Variants in PRKAR1A observed in about 807,000 individuals in gnomAD.
PRKAR1A encodes cAMP-dependent protein kinase type I-alpha regulatory subunit.
Under a neutral mutation model 52.0 loss-of-function variants are expected in PRKAR1A, and 3 were observed. That is an observed-to-expected ratio of 0.06 (90% CI 0.03 to 0.15). PRKAR1A has a LOEUF of 0.15. Ranked by LOEUF, PRKAR1A falls within the 10% of genes least tolerant of loss-of-function variation. The pLI is 1.00. For synonymous variants in PRKAR1A, 188 were observed against 168.4 expected (o/e 1.12, Z -0.90); for missense variants, 240 against 477.4 (o/e 0.50, Z 4.63).
intron 11 of PRKAR1A, among the ~76,000 whole-genome samples, chr17:68,547,014 T>C (rs949729388): frequency 6.7e-6 from 1 of 149,914 alleles, no homozygotes; most frequent in African/African-American, 2.5e-5. Context: ...AGGAATCTTT[T>C]TTTTTTTCTT....
Position 68,531,510 on chromosome 17 carries a change from C to T in PRKAR1A, c.*1061C>T. 1 of 1,066,308 alleles carries T rather than the reference C, an allele frequency of 9.4e-7. No individual in the cohort carries two copies. Among genetic ancestry groups the T allele is most frequent in the Non-Finnish European group, 1.1e-6 (1 of 879,596 alleles). 66.1% of individuals were successfully genotyped at this position (1,066,308 alleles called of 1,614,324 possible). A position where few individuals can be genotyped will look rare whatever the true frequency, so the allele number is the denominator to read the frequency against. ...TCAGTGTCGGGAATTTTCCCCGTGA[C>T]ATTCACTGGGGCATGAGATTTTGGA... On this transcript the variant is annotated 3_prime_UTR_variant, in exon 11 of 11. Transcript: ENST00000589228.
chr17:68,436,257 A>T, the PRKAR1A span: 1 of 799,342 alleles, frequency 1.3e-6, no homozygotes, highest in Non-Finnish European at 2.1e-6. Flanking sequence ...CTCTTGAACA[A>T]CTCCCCAGTA....
intron 2 of PRKAR1A, among the ~76,000 whole-genome samples, chr17:68,521,993 A>G (rs953591053): frequency 8.5e-5 from 13 of 152,212 alleles, no homozygotes; most frequent in Non-Finnish European, 1.6e-4. Context: ...TTGGTCCAAT[A>G]AGTAGTTTTT....
At chr17:68,511,663 G>C (rs988408196), upstream of PRKAR1A, 1 of 228 alleles carries the variant, frequency 4.4e-3, no homozygotes, top group African/African-American at 0.062. Flanking sequence ...CAGCACCCCC[G>C]GCGGGGGAGA....
downstream of PRKAR1A, chr17:68,535,432 C>G (rs143835729): frequency 3.3e-4 from 152 of 454,016 alleles, no homozygotes; most frequent in Middle Eastern, 3.5e-3. Context: ...AGCCTGCTTT[C>G]CTGAGAGTCT....
the PRKAR1A span, among the ~76,000 whole-genome samples, chr17:68,449,670 T>C: frequency 6.6e-6 from 1 of 152,202 alleles, no homozygotes; most frequent in African/African-American, 2.4e-5. Context: ...GCTCCCGCTT[T>C]GCCTTCCGCC....
upstream of PRKAR1A, among the ~76,000 whole-genome samples, chr17:68,510,159 CAGAGAGAG>C (rs35144524): frequency 4.6e-4 from 59 of 127,628 alleles, no homozygotes; most frequent in Admixed American, 1.5e-3. Flanking sequence ...TATATGTAGA[CAGAGAGAG>C]AGAGAGAGAG....
chr17:68,502,490 C>T, the PRKAR1A span, among the ~76,000 whole-genome samples: 1 of 152,080 alleles, frequency 6.6e-6, no homozygotes, highest in African/African-American at 2.4e-5. Flanking sequence ...GTGGCTCACG[C>T]CTGTAATCCC....
At chr17:68,489,295 GTATA>G in the PRKAR1A span, among the ~76,000 whole-genome samples, 6 of 14,394 alleles carry the variant, frequency 4.2e-4, 2 homozygotes, top group African/African-American at 2.0e-3. Flanking sequence ...TATATGGAAA[GTATA>G]TATATATATA....
the PRKAR1A span, chr17:68,448,383 C>T: frequency 6.6e-6 from 1 of 152,202 alleles, no homozygotes; most frequent in Non-Finnish European, 1.5e-5. Context: ...TGAACCGATG[C>T]TCATCTTGGT....
downstream of PRKAR1A, chr17:68,537,787 A>G (rs776996642): frequency 2.5e-6 from 4 of 1,573,946 alleles, no homozygotes; most frequent in Admixed American, 7.3e-5. This position sits in a 1 kb window ranked among gnomAD's most constrained non-coding sequence, Gnocchi z 4.2. Context: ...ATGTAAAGAA[A>G]ATAACTTGCC....
the PRKAR1A span, among the ~76,000 whole-genome samples, chr17:68,422,983 C>T: frequency 0.018 from 2,717 of 152,198 alleles, 75 homozygotes; most frequent in African/African-American, 0.053. Context: ...CGTGATCCTA[C>T]GCAGGGAAGT....
chr17:68,414,044 CTCAGATGGAA>C, the PRKAR1A span: 1 of 155,982 alleles, frequency 6.4e-6, no homozygotes, highest in Admixed American at 6.5e-5. Context: ...AACCCGGTAC[CTCAGATGGAA>C]ATGCAGAAAT....
the PRKAR1A span, among the ~76,000 whole-genome samples, chr17:68,493,880 C>T: frequency 8.3e-4 from 126 of 152,254 alleles, no homozygotes; most frequent in South Asian, 2.3e-3. Context: ...GTGTGAGCCA[C>T]GGCACCTGGC....
At chr17:68,428,945 C>G in the PRKAR1A span, 12 of 1,605,958 alleles carry the variant, frequency 7.5e-6, no homozygotes, top group Non-Finnish European at 1.0e-5. Flanking sequence ...TCCTAAGGGC[C>G]AAGGAAAACA....
the PRKAR1A span, among the ~76,000 whole-genome samples, chr17:68,453,952 G>GTTCA: frequency 2.0e-5 from 3 of 152,136 alleles, no homozygotes; most frequent in African/African-American, 7.2e-5. Context: ...GTATTCTAAT[G>GTTCA]AGCAGCCCAA....
chr17:68,434,403 G>A, the PRKAR1A span, among the ~76,000 whole-genome samples: 4 of 152,310 alleles, frequency 2.6e-5, 1 homozygote, highest in South Asian at 8.3e-4. Context: ...CCTAAGTAAA[G>A]CCTGGGAGTC....
chr17:68,487,252 TG>T, the PRKAR1A span, among the ~76,000 whole-genome samples: 1 of 152,232 alleles, frequency 6.6e-6, no homozygotes, highest in African/African-American at 2.4e-5. Context: ...AGTATGGTTT[TG>T]TTAATAAAAA....
At position 68,531,062 on chromosome 17, in the gene PRKAR1A, T is replaced by C; in HGVS notation, c.*613T>C. 9.4e-7 allele frequency: 1 copy of C among 1,067,884 alleles called. No homozygotes were observed. The highest frequency in any genetic ancestry group is 4.5e-5 in the South Asian group (1 of 22,438). The allele number at this position is 1,067,884 out of a possible 1,614,324, so 66.2% of individuals were successfully genotyped here. A position where few individuals can be genotyped will look rare whatever the true frequency, so the allele number is the denominator to read the frequency against. ...CCAGAGTTGTTGTTTGCCAAGCTAATCTGCCTGGTTTTATTTATATCTTGT... is the reference window on the plus strand; with the variant it reads ...CCAGAGTTGTTGTTTGCCAAGCTAACCTGCCTGGTTTTATTTATATCTTGT... On this transcript the variant is annotated 3_prime_UTR_variant, in exon 11 of 11. Transcript: ENST00000589228.
Sources: gnomAD v4.1 joint callset for allele counts (sites outside exome capture counted in the v4.1 genomes callset) on GRCh38, gnomAD v4.1.1 for gene constraint, Gnocchi (gnomAD v3.1) non-coding constraint, MANE v1.5 for transcripts, NCBI Gene and HGNC (gene_info 2026-07-23, HGNC 2026-07-21) for gene names.